The following SMARCC1 variants were observed in gnomAD, a reference collection of about 807,000 sequenced individuals.
The protein encoded by SMARCC1 is SWI/SNF complex subunit SMARCC1.
A neutral mutation model predicts 147.4 loss-of-function variants in SMARCC1; 43 were observed. That is an observed-to-expected ratio of 0.29 (90% CI 0.23 to 0.38). SMARCC1 has a LOEUF of 0.38. Among genes scored for constraint, SMARCC1 ranks in the 10% least tolerant of loss-of-function variants. The pLI, the probability that SMARCC1 is intolerant of heterozygous loss-of-function variation, is 1.00. For synonymous variants in SMARCC1, 495 were observed against 484.4 expected (o/e 1.02, Z -0.29); for missense variants, 1,119 against 1,381.1 (o/e 0.81, Z 3.01).
At chr3:47,651,583 A>G (rs1476801555) in intron 21 of SMARCC1, among the ~76,000 whole-genome samples, 1 of 152,160 alleles carries the variant, frequency 6.6e-6, no homozygotes, top group Non-Finnish European at 1.5e-5. Context: ...AGTCTTGCTC[A>G]CCTTATTTAC....
chr3:47,750,307 C>T (rs945056852), intron 2 of SMARCC1, among the ~76,000 whole-genome samples: 7 of 151,940 alleles, frequency 4.6e-5, no homozygotes, highest in Admixed American at 1.3e-4. Flanking sequence ...TGGTGGTGCA[C>T]GCCTGTAGTC....
At chr3:47,691,830 T>C (rs990714299) in intron 12 of SMARCC1, among the ~76,000 whole-genome samples, 1 of 151,898 alleles carries the variant, frequency 6.6e-6, no homozygotes, top group Admixed American at 6.6e-5. Context: ...TAAAACCCCA[T>C]GTCTACTAAT....
intron 7 of SMARCC1, among the ~76,000 whole-genome samples, chr3:47,717,152 T>A (rs1484886497): frequency 6.6e-6 from 1 of 152,166 alleles, no homozygotes; most frequent in African/African-American, 2.4e-5. Context: ...TTAAATAGAC[T>A]AATAAAAACA....
At chr3:47,753,998 C>T (rs1322804597) in intron 2 of SMARCC1, among the ~76,000 whole-genome samples, 4 of 152,062 alleles carry the variant, frequency 2.6e-5, no homozygotes, top group African/African-American at 4.8e-5. Flanking sequence ...AAATGACACA[C>T]GTCAAAAATT....
chr3:47,641,501 A>T (rs930718428), intron 21 of SMARCC1, among the ~76,000 whole-genome samples: 1 of 152,174 alleles, frequency 6.6e-6, no homozygotes, highest in Non-Finnish European at 1.5e-5. Context: ...AAAAAGAAGG[A>T]ATAAAAGGAA....
At chr3:47,651,955 A>G (rs1288265544) in intron 21 of SMARCC1, among the ~76,000 whole-genome samples, 1 of 152,124 alleles carries the variant, frequency 6.6e-6, no homozygotes, top group Admixed American at 6.5e-5. Context: ...GCACTGAATG[A>G]CACTGACTGA....
At chr3:47,697,983 G>A (rs2033873565) in intron 11 of SMARCC1, among the ~76,000 whole-genome samples, 1 of 136,474 alleles carries the variant, frequency 7.3e-6, no homozygotes, top group South Asian at 2.4e-4. Context: ...ACTCCAGCCT[G>A]GGCGAGAGCG....
intron 21 of SMARCC1, among the ~76,000 whole-genome samples, chr3:47,646,280 A>T (rs1277479192): frequency 6.6e-6 from 1 of 152,246 alleles, no homozygotes; most frequent in Non-Finnish European, 1.5e-5. Flanking sequence ...AAAAAAGAAA[A>T]AGTCTCTCTT....
At chr3:47,650,149 G>A (rs2033169672) in intron 21 of SMARCC1, among the ~76,000 whole-genome samples, 2 of 151,854 alleles carry the variant, frequency 1.3e-5, no homozygotes, top group South Asian at 4.2e-4. Context: ...GGTGGTGGGC[G>A]CCTGTAGTCC....
intron 19 of SMARCC1, chr3:47,663,804 T>A: frequency 6.3e-7 from 1 of 1,583,252 alleles, no homozygotes; most frequent in Non-Finnish European, 8.7e-7. Context: ...ACCTACAGCC[T>A]CTATTCCTTC....
chr3:47,781,489 T>G, intron 1 of SMARCC1, 114 bp downstream of exon 1: 5 of 666,970 alleles, frequency 7.5e-6, no homozygotes, highest in South Asian at 5.6e-5. Context: ...GCGCCTGCCT[T>G]TGTTGTCCCT....
chr3:47,682,330 A>T (rs1011980128), intron 14 of SMARCC1, among the ~76,000 whole-genome samples: 6 of 151,184 alleles, frequency 4.0e-5, no homozygotes, highest in African/African-American at 1.5e-4. Context: ...ACTGGAGTTC[A>T]GTGACAAGAT....
At chr3:47,704,163 T>C (rs2033962130) in intron 10 of SMARCC1, among the ~76,000 whole-genome samples, 1 of 151,998 alleles carries the variant, frequency 6.6e-6, no homozygotes, top group Non-Finnish European at 1.5e-5. Flanking sequence ...AGCAGGCAAC[T>C]TGAAAGACAA....
chr3:47,706,465 C>A lies in SMARCC1; in HGVS notation c.984G>T (p.Ser328=). The A allele has an allele frequency of 6.3e-7, 1 of 1,579,900 alleles. No individual in the cohort carries two copies. The highest frequency in any genetic ancestry group is 8.6e-7 in the Non-Finnish European group (1 of 1,166,684). ...ASANARKRKH[S]PSPPPPTPTE... ...TTGGTGTCGGAGGGGGAGGCGAAGGCGAATGTTTCCTCTTTCGAGCATTAG... is the reference window on the plus strand; with the variant it reads ...TTGGTGTCGGAGGGGGAGGCGAAGGAGAATGTTTCCTCTTTCGAGCATTAG... The change falls in exon 10 of 28, where the codon TCG becomes TCT. Residue 328 remains serine (S), a synonymous_variant. Transcript: ENST00000254480.
At chr3:47,666,894 G>A (rs1265787521) in intron 19 of SMARCC1, among the ~76,000 whole-genome samples, 1 of 152,152 alleles carries the variant, frequency 6.6e-6, no homozygotes, top group Non-Finnish European at 1.5e-5. Flanking sequence ...TACATAGAAT[G>A]ATATATTTCC....
chr3:47,759,288 T>C (rs915577492), intron 2 of SMARCC1, among the ~76,000 whole-genome samples: 6 of 151,550 alleles, frequency 4.0e-5, no homozygotes, highest in Non-Finnish European at 7.4e-5. Context: ...GCTTGGATTA[T>C]GGGAGTGAGC....
At chr3:47,655,762 T>C (rs2033253129) in intron 21 of SMARCC1, among the ~76,000 whole-genome samples, 1 of 151,970 alleles carries the variant, frequency 6.6e-6, no homozygotes, top group Non-Finnish European at 1.5e-5. Context: ...AAGCACAGTG[T>C]ATATAAATTT....
At chr3:47,637,162 T>C (rs1259914898) in intron 22 of SMARCC1, among the ~76,000 whole-genome samples, 1 of 152,130 alleles carries the variant, frequency 6.6e-6, no homozygotes, top group Non-Finnish European at 1.5e-5. Context: ...TCCAAGTAGC[T>C]GGGACTACAA....
chr3:47,653,615 T>C (rs1431029653), intron 21 of SMARCC1, among the ~76,000 whole-genome samples: 1 of 152,208 alleles, frequency 6.6e-6, no homozygotes, highest in African/African-American at 2.4e-5. Context: ...GTTGAGCCAA[T>C]TCCCAAGGGA....
Sources: allele counts gnomAD v4.1 joint callset (sites outside exome capture counted in the v4.1 genomes callset), GRCh38; gene constraint gnomAD v4.1.1; transcripts MANE v1.5; gene names NCBI Gene and HGNC (gene_info 2026-07-23, HGNC 2026-07-21).